RICTOR: variants seen among roughly 807,000 people sequenced by gnomAD.
RICTOR encodes the protein rapamycin-insensitive companion of mTOR.
RICTOR carries 49 observed loss-of-function variants against 214.9 expected under a neutral mutation model. That is an observed-to-expected ratio of 0.23 (90% CI 0.18 to 0.29). RICTOR has a LOEUF of 0.29. Among genes scored for constraint, RICTOR ranks in the 10% least tolerant of loss-of-function variants. The probability of loss-of-function intolerance (pLI) is 1.00; values close to 1 mark genes in which losing one functional copy is unlikely to be tolerated. For missense variants in RICTOR, 1,625 were observed against 2,047.0 expected, an observed-to-expected ratio of 0.79 and a Z score of 3.98; for synonymous variants, 717 against 711.3, an observed-to-expected ratio of 1.01 and a Z score of -0.13.
intron 2 of RICTOR, among the ~76,000 whole-genome samples, chr5:39,061,916 C>A (rs1758566825): frequency 6.6e-6 from 1 of 151,624 alleles, no homozygotes; most frequent in Non-Finnish European, 1.5e-5. Flanking sequence ...AACAAACTTT[C>A]CCATGAGAAA....
chr5:39,004,774 CTCTTTTTTTTT>C (rs1753905771), intron 3 of RICTOR, among the ~76,000 whole-genome samples: 2 of 139,678 alleles, frequency 1.4e-5, no homozygotes, highest in South Asian at 4.8e-4. Context: ...GCCTCTCAGA[CTCTTTTTTTTT>C]TTTTTTTTTT....
In RICTOR at chr5:38,977,475, A is replaced by G. The variant is rs150694033; in HGVS notation, c.821+1108T>C. ...CGATTCATAACTGAAGTTTGCAGGA[A>G]TAAGTTTGAGAAGTCTTAGAGGACA... On this transcript the variant is annotated intron_variant, in intron 9 of 37. Transcript: ENST00000357387. Among the ~76,000 whole-genome samples, 629 of 152,292 alleles carry G rather than the reference A, an allele frequency of 4.1e-3. 4 individuals are homozygous for G. The highest frequency in any genetic ancestry group is 0.014 in the African/African-American group (573 of 41,558).
intron 7 of RICTOR, among the ~76,000 whole-genome samples, chr5:38,990,525 C>CGATATATACACGATATATATAT (rs1554067775): frequency 5.5e-5 from 8 of 145,782 alleles, no homozygotes; most frequent in African/African-American, 2.1e-4. Context: ...GATATATATA[C>CGATATATACACGATATATATAT]GATATATATA....
Position 38,959,817 on chromosome 5 carries a change from A to G in RICTOR, c.2013T>C (p.His671=). 1.2e-6 allele frequency: 2 copies of G among 1,613,610 alleles called. No homozygotes were observed. Among genetic ancestry groups the G allele is most frequent in the Non-Finnish European group, 1.7e-6 (2 of 1,179,654 alleles). ...TGCATTTTTCCAGCATTTTAACTCC[A>G]TGAGGGTGGCAAGAAAGTGTTCCAA... ...LFIGTLSCHP[H]GVKMLEKCSV... Residue 671 remains histidine (H), a synonymous_variant, in exon 21 of 38, where the codon CAT becomes CAC. Coordinates refer to ENST00000357387, the MANE Select transcript of RICTOR (RefSeq NM_152756.5).
chr5:38,938,806 T>C lies in RICTOR; in HGVS notation c.*3498A>G. On this transcript the variant is annotated 3_prime_UTR_variant, in exon 38 of 38. Coordinates refer to ENST00000357387, the MANE Select transcript of RICTOR (RefSeq NM_152756.5). ...TCTTGAGATTAAGATAGTAACAGTG[T>C]ATTTTGTTAATGCAGAGACAATGGA... 4.3e-6 allele frequency: 1 copy of C among 233,124 alleles called. No homozygotes were observed. The allele number at this position is 233,124 out of a possible 1,614,324, so 14.4% of individuals were successfully genotyped here.
intron 2 of RICTOR, among the ~76,000 whole-genome samples, chr5:39,038,870 T>C (rs1756948961): frequency 6.6e-6 from 1 of 151,822 alleles, no homozygotes; most frequent in African/African-American, 2.4e-5. Flanking sequence ...AGAATCAATA[T>C]CGTGAAAATG....
intron 6 of RICTOR, among the ~76,000 whole-genome samples, chr5:38,992,093 T>C (rs545517979): frequency 1.3e-5 from 2 of 152,252 alleles, no homozygotes; most frequent in African/African-American, 4.8e-5. Context: ...TGTAAGTGGT[T>C]TGTCATTTAA....
chr5:39,050,454 A>C (rs1037889590), intron 2 of RICTOR, among the ~76,000 whole-genome samples: 8 of 152,018 alleles, frequency 5.3e-5, no homozygotes, highest in African/African-American at 1.7e-4. Flanking sequence ...CTCCTGCTTC[A>C]ACCTCCCAAG....
chr5:38,975,588 G>C lies in RICTOR; in HGVS notation c.838C>G (p.Arg280Gly). The change falls in exon 10 of 38, where the codon CGA (arginine) becomes GGA (glycine). Residue 280 changes from arginine to glycine, a missense_variant. Around this residue, in one of 5 missense-constraint regions of RICTOR, gnomAD observed 258 missense variants for 393.7 expected, o/e 0.66. Transcript: ENST00000357387. ...EGQLKEDREARFLASKMGIIA... is the reference protein window; with the variant it reads ...EGQLKEDREAGFLASKMGIIA... ...ATTCCCATTTTACTGGCTAGAAATC[G>C]TGCTTCTCTGTCTTCTCTGTTGGGG... The C allele has an allele frequency of 6.2e-7, 1 of 1,613,646 alleles. No homozygotes were observed. Among genetic ancestry groups the C allele is most frequent in the Non-Finnish European group, 8.5e-7 (1 of 1,179,672 alleles).
chr5:39,019,530 A>G (rs1174014192), intron 3 of RICTOR, among the ~76,000 whole-genome samples: 1 of 152,194 alleles, frequency 6.6e-6, no homozygotes, highest in African/African-American at 2.4e-5. Context: ...GGCCTGGATG[A>G]CAGCACATCT....
rs769082066 is a variant in RICTOR, at chr5:38,949,699, T to A, written c.4136+13A>T. On this transcript the variant is annotated intron_variant, in intron 31 of 37. Coordinates refer to ENST00000357387, the MANE Select transcript of RICTOR (RefSeq NM_152756.5). ...AACCATTATTGGTCACTTCTAAACA[T>A]ATATTTGCTTACCTGCTTGGTGTTA... 38 of 1,605,380 alleles carry A rather than the reference T, an allele frequency of 2.4e-5. No individual in the cohort carries two copies. Among genetic ancestry groups the A allele is most frequent in the Non-Finnish European group, 3.0e-5 (35 of 1,174,342 alleles).
chr5:39,018,075 C>A (rs1755101628), intron 3 of RICTOR, among the ~76,000 whole-genome samples: 1 of 151,758 alleles, frequency 6.6e-6, no homozygotes. Context: ...TCCCAAAGAC[C>A]CATTCTGTTT....
At chr5:38,992,500 T>A (rs1356102133) in intron 6 of RICTOR, among the ~76,000 whole-genome samples, 1 of 152,156 alleles carries the variant, frequency 6.6e-6, no homozygotes, top group Non-Finnish European at 1.5e-5. Flanking sequence ...ATAAACTATG[T>A]TACCTTGGCT....
intron 11 of RICTOR, chr5:38,970,681 C>A (rs531291755): frequency 1.8e-3 from 278 of 151,842 alleles, no homozygotes; most frequent in African/African-American, 5.2e-3. Context: ...CAAATAAAAA[C>A]ATTTAAGGAG....
At chr5:39,046,315 G>A (rs1315457979) in intron 2 of RICTOR, among the ~76,000 whole-genome samples, 1 of 150,726 alleles carries the variant, frequency 6.6e-6, no homozygotes, top group Admixed American at 6.6e-5. Context: ...AGTGAACTAT[G>A]ATGGTGCCAC....
chr5:39,044,588 T>A (rs1757367164), intron 2 of RICTOR, among the ~76,000 whole-genome samples: 1 of 152,154 alleles, frequency 6.6e-6, no homozygotes, highest in Non-Finnish European at 1.5e-5. Flanking sequence ...TGAAATAATA[T>A]AATTTTCCAA....
intron 11 of RICTOR, chr5:38,971,409 G>C (rs1368811272): frequency 1.4e-5 from 2 of 144,802 alleles, no homozygotes; most frequent in African/African-American, 5.2e-5. Context: ...GTCTCGCTCT[G>C]TCACCCAGGC....
intron 8 of RICTOR, 171 bp downstream of exon 8, chr5:38,981,696 A>G (rs1373823883): frequency 2.1e-6 from 1 of 469,802 alleles, no homozygotes. Flanking sequence ...AATGTTTTCA[A>G]TTCAGTCCAA....
intron 2 of RICTOR, among the ~76,000 whole-genome samples, chr5:39,038,019 A>C (rs2150163340): frequency 6.6e-6 from 1 of 152,354 alleles, no homozygotes; most frequent in Admixed American, 6.5e-5. Flanking sequence ...ACAACCAAAA[A>C]GGAGAATTTT....
Sources: gnomAD v4.1 joint callset for allele counts (sites outside exome capture counted in the v4.1 genomes callset) on GRCh38, gnomAD v4.1.1 for gene constraint, gnomAD v4.1.1 regional missense constraint, MANE v1.5 for transcripts, NCBI Gene and HGNC (gene_info 2026-07-23, HGNC 2026-07-21) for gene names.